Variants in ST8SIA5 observed in about 807,000 individuals in gnomAD.
The protein encoded by ST8SIA5 is alpha-2,8-sialyltransferase 8E.
ST8SIA5 carries 24 observed loss-of-function variants against 40.2 expected under a neutral mutation model. That is an observed-to-expected ratio of 0.60 (90% CI 0.43 to 0.84). The LOEUF (loss-of-function observed/expected upper bound fraction) is 0.84, where lower values mean the gene tolerates loss of function less well. ST8SIA5 is among the 40% of genes least tolerant of loss of function. ST8SIA5 has a pLI of 0.00. For missense variants in ST8SIA5, 465 were observed against 498.5 expected (o/e 0.93, Z 0.64); for synonymous variants, 198 against 201.8 (o/e 0.98, Z 0.16).
chr18:46,734,336 G>T lies in ST8SIA5; in HGVS notation c.131+22042C>A, dbSNP rs2040013692. ...GGAGGCAAAAGAAAAGATGCTGCAG[G>T]GCAGGAGTATCTGGAGGGAGGAGAG... On this transcript the variant is annotated intron_variant, in intron 1 of 6. Transcript: ENST00000315087. Among the ~76,000 whole-genome samples, 3 of 152,016 alleles carry T rather than the reference G, an allele frequency of 2.0e-5. No homozygotes were observed. In the South Asian group the frequency reaches 6.2e-4, roughly 32 times the overall value.
chr18:46,756,105 A>T (rs183606963), intron 1 of ST8SIA5, among the ~76,000 whole-genome samples: 719 of 152,358 alleles, frequency 4.7e-3, no homozygotes, highest in South Asian at 9.3e-3. Context: ...AAATGGATTT[A>T]TCGTCAGCCT....
chr18:46,699,403 G>A (rs955309930), intron 2 of ST8SIA5, among the ~76,000 whole-genome samples: 3 of 150,420 alleles, frequency 2.0e-5, no homozygotes, highest in Non-Finnish European at 4.4e-5. Flanking sequence ...TTTTTGAGAC[G>A]GAGTCTTACT....
chr18:46,721,910 A>G (rs1400939189), intron 1 of ST8SIA5, among the ~76,000 whole-genome samples: 1 of 152,196 alleles, frequency 6.6e-6, no homozygotes, highest in African/African-American at 2.4e-5. Flanking sequence ...CAAGGATACC[A>G]CTTTTGGTTC....
chr18:46,697,423 T>G (rs578173868), intron 2 of ST8SIA5, among the ~76,000 whole-genome samples: 42 of 152,190 alleles, frequency 2.8e-4, no homozygotes, highest in Non-Finnish European at 4.4e-4. Context: ...CCAGAAGAGC[T>G]GGAAGATGAA....
At position 46,678,182 on chromosome 18, in the gene ST8SIA5, C is replaced by T. The variant is rs1210350179; in HGVS notation, c.*1860G>A. ...ATCCCCTTGGCTACTCCCCTACATT[C>T]CTGACCAGCAGACTGAGACTCAGAG... On this transcript the variant is annotated 3_prime_UTR_variant, in exon 7 of 7. Coordinates refer to ENST00000315087, the MANE Select transcript of ST8SIA5 (RefSeq NM_013305.6). 6.6e-6 allele frequency: 1 copy of T among 152,292 alleles called. No individual in the cohort carries two copies. Among genetic ancestry groups the T allele is most frequent in the African/African-American group, 2.4e-5 (1 of 41,462 alleles). The allele number at this position is 152,292 out of a possible 1,614,324, so 9.4% of individuals were successfully genotyped here.
At chr18:46,741,055 T>A (rs917187569) in intron 1 of ST8SIA5, among the ~76,000 whole-genome samples, 2 of 151,940 alleles carry the variant, frequency 1.3e-5, no homozygotes, top group Non-Finnish European at 2.9e-5. Flanking sequence ...CAGAATAAAA[T>A]CAAAGCATAA....
chr18:46,704,772 G>T, intron 1 of ST8SIA5, 108 bp from the exon 2 acceptor site: 1 of 912,182 alleles, frequency 1.1e-6, no homozygotes, highest in Non-Finnish European at 1.8e-6. Flanking sequence ...AATAAATAAA[G>T]CCAACCAGCC....
chr18:46,689,478 C>G (rs1314081297), intron 3 of ST8SIA5, among the ~76,000 whole-genome samples: 1 of 152,082 alleles, frequency 6.6e-6, no homozygotes, highest in Non-Finnish European at 1.5e-5. Context: ...CTCTTTCTCT[C>G]TGGGCCCTAG....
At chr18:46,718,008 C>A (rs1021270535) in intron 1 of ST8SIA5, among the ~76,000 whole-genome samples, 1 of 152,084 alleles carries the variant, frequency 6.6e-6, no homozygotes. Flanking sequence ...TGCAAAACAC[C>A]CACTTAAATA....
chr18:46,684,974 C>A (rs970408514), intron 5 of ST8SIA5, among the ~76,000 whole-genome samples: 6 of 152,130 alleles, frequency 3.9e-5, no homozygotes, highest in Non-Finnish European at 7.3e-5. Flanking sequence ...GCATTCCAGG[C>A]AGAGGGAACA....
At chr18:46,699,446 C>G (rs2039588957) in intron 2 of ST8SIA5, among the ~76,000 whole-genome samples, 1 of 150,360 alleles carries the variant, frequency 6.7e-6, no homozygotes, top group Non-Finnish European at 1.5e-5. Flanking sequence ...GTGGTGTGAT[C>G]TCGGCTCACT....
chr18:46,742,385 A>T lies in ST8SIA5; in HGVS notation c.131+13993T>A, dbSNP rs569221878. 8.6e-5 allele frequency among the ~76,000 whole-genome samples: 13 copies of T among 151,934 alleles called. No individual in the cohort carries two copies. The South Asian group carries it at 2.7e-3, about 32-fold the overall frequency. ...AATTTTTGTGATGTTGGATTAGGCA[A>T]TGGTTCCTTAGATATGACACCTAAA... On this transcript the variant is annotated intron_variant, in intron 1 of 6. Coordinates refer to ENST00000315087, the MANE Select transcript of ST8SIA5 (RefSeq NM_013305.6).
chr18:46,669,039 A>G lies in ST8SIA5; in HGVS notation c.*11003T>C, dbSNP rs909134684. On this transcript the variant is annotated 3_prime_UTR_variant, in exon 7 of 7. Transcript: ENST00000315087. ...GCCTTGGGTGACTCTGCCAGATACA[A>G]CTGCCTCCCTTCTGTCCCACTAGGT... The G allele has an allele frequency of 1.3e-5, 2 of 152,472 alleles. No homozygotes were observed. Among genetic ancestry groups the G allele is most frequent in the African/African-American group, 2.4e-5 (1 of 41,468 alleles). 9.4% of individuals were successfully genotyped at this position (152,472 alleles called of 1,614,324 possible). A position where few individuals can be genotyped will look rare whatever the true frequency, so the allele number is the denominator to read the frequency against.
At chr18:46,737,928 G>A (rs1304767321) in intron 1 of ST8SIA5, among the ~76,000 whole-genome samples, 1 of 151,944 alleles carries the variant, frequency 6.6e-6, no homozygotes, top group Non-Finnish European at 1.5e-5. Context: ...GCACCACCAC[G>A]CCCGAATAAT....
intron 2 of ST8SIA5, among the ~76,000 whole-genome samples, chr18:46,700,634 G>A (rs1325238863): frequency 1.3e-5 from 2 of 152,184 alleles, no homozygotes; most frequent in Non-Finnish European, 2.9e-5. Flanking sequence ...GACTCCCAGG[G>A]CTTGGGGTCA....
At chr18:46,708,745 A>T (rs949825335) in intron 1 of ST8SIA5, among the ~76,000 whole-genome samples, 3 of 152,104 alleles carry the variant, frequency 2.0e-5, no homozygotes, top group Admixed American at 2.0e-4. Flanking sequence ...GCTCTTGCCC[A>T]CACTTCCCCC....
chr18:46,684,784 C>T (rs949112807), intron 5 of ST8SIA5, among the ~76,000 whole-genome samples: 3 of 152,184 alleles, frequency 2.0e-5, no homozygotes, highest in African/African-American at 7.2e-5. Flanking sequence ...GACCACTCAG[C>T]GGGTCCCTGG....
rs561650045 is a variant in ST8SIA5, at chr18:46,696,017, G to A, written c.225-3762C>T. Among the ~76,000 whole-genome samples, 5 of 152,334 alleles carry A rather than the reference G, an allele frequency of 3.3e-5. No homozygotes were observed. In the South Asian group the frequency reaches 8.3e-4, roughly 25 times the overall value. ...GGAAAGTGAAGCAGGTTAAAGGGAC[G>A]GGGAAGTGACTGTTTCAGACTGAGT... On this transcript the variant is annotated intron_variant, in intron 2 of 6. Transcript: ENST00000315087.
At chr18:46,738,339 A>G (rs962977860) in intron 1 of ST8SIA5, among the ~76,000 whole-genome samples, 2 of 151,732 alleles carry the variant, frequency 1.3e-5, no homozygotes, top group East Asian at 3.9e-4. Flanking sequence ...GAGATATCTG[A>G]GGAAGGTACA....
Sources: allele counts gnomAD v4.1 joint callset (sites outside exome capture counted in the v4.1 genomes callset), GRCh38; gene constraint gnomAD v4.1.1; transcripts MANE v1.5; gene names NCBI Gene and HGNC (gene_info 2026-07-23, HGNC 2026-07-21).